The following CNTN5 variants were observed in gnomAD, a reference collection of about 807,000 sequenced individuals.
The protein encoded by CNTN5 is contactin-5.
Under a neutral mutation model 129.1 loss-of-function variants are expected in CNTN5, and 77 were observed. The observed-to-expected ratio is 0.60, with a 90% confidence interval of 0.50 to 0.72. The LOEUF (loss-of-function observed/expected upper bound fraction) is 0.72. CNTN5 is among the 30% of genes least tolerant of loss of function. The pLI is 0.00. For synonymous variants in CNTN5, 509 were observed against 465.6 expected, an observed-to-expected ratio of 1.09 and a Z score of -1.20; for missense variants, 1,478 against 1,328.8, an observed-to-expected ratio of 1.11 and a Z score of -1.75.
intron 1 of CNTN5, among the ~76,000 whole-genome samples, chr11:99,052,396 T>C (rs889149354): frequency 7.2e-5 from 11 of 151,854 alleles, no homozygotes; most frequent in Non-Finnish European, 2.9e-5. Flanking sequence ...TTTCTATGTC[T>C]AGGTATATTT....
chr11:99,756,475 G>C (rs1434775423), intron 3 of CNTN5, among the ~76,000 whole-genome samples: 1 of 152,042 alleles, frequency 6.6e-6, no homozygotes, highest in Admixed American at 6.6e-5. Flanking sequence ...AGAAGTTTCA[G>C]GAAAGGTAGA....
At chr11:99,438,296 A>G (rs1022133373) in intron 2 of CNTN5, among the ~76,000 whole-genome samples, 1 of 152,188 alleles carries the variant, frequency 6.6e-6, no homozygotes, top group African/African-American at 2.4e-5. Flanking sequence ...TAGAACATTT[A>G]TTGATGAGTC....
intron 8 of CNTN5, among the ~76,000 whole-genome samples, chr11:99,992,155 T>A (rs1041971362): frequency 1.3e-5 from 2 of 152,224 alleles, no homozygotes; most frequent in African/African-American, 4.8e-5. Context: ...TTCCAACTCA[T>A]TAGTCCAGCC....
intron 3 of CNTN5, among the ~76,000 whole-genome samples, chr11:99,582,185 C>T (rs1001124127): frequency 1.4e-4 from 22 of 152,214 alleles, no homozygotes; most frequent in South Asian, 6.2e-4. Flanking sequence ...GAGTTTCTGC[C>T]GAGAGATCAG....
intron 3 of CNTN5, among the ~76,000 whole-genome samples, chr11:99,609,479 T>C (rs1362597971): frequency 1.3e-5 from 2 of 152,138 alleles, no homozygotes; most frequent in Non-Finnish European, 2.9e-5. Context: ...TGATGCCTAA[T>C]GTAATCATTA....
intron 3 of CNTN5, among the ~76,000 whole-genome samples, chr11:99,560,947 A>G (rs943867402): frequency 6.6e-5 from 10 of 152,220 alleles, no homozygotes; most frequent in Middle Eastern, 3.4e-3. Flanking sequence ...CAGATATACT[A>G]ATACCTATTT....
chr11:100,138,207 A>C (rs1312316239), intron 13 of CNTN5, among the ~76,000 whole-genome samples: 1 of 151,916 alleles, frequency 6.6e-6, no homozygotes, highest in East Asian at 2.0e-4. Context: ...ATCCAACTTG[A>C]AATGTTCTGT....
chr11:100,284,965 C>T (rs1409003095), intron 18 of CNTN5, among the ~76,000 whole-genome samples: 2 of 152,174 alleles, frequency 1.3e-5, no homozygotes, highest in Non-Finnish European at 2.9e-5. Flanking sequence ...TGGACATAGG[C>T]AGGAAGTATG....
intron 17 of CNTN5, among the ~76,000 whole-genome samples, chr11:100,259,913 A>G (rs1591446501): frequency 6.6e-6 from 1 of 152,096 alleles, no homozygotes; most frequent in East Asian, 1.9e-4. Context: ...AACAAATTCA[A>G]AAGCTAGCAG....
At chr11:99,953,055 A>C (rs1009607731) in intron 7 of CNTN5, among the ~76,000 whole-genome samples, 2 of 152,190 alleles carry the variant, frequency 1.3e-5, no homozygotes, top group Admixed American at 1.3e-4. Context: ...ATTTCCCAAC[A>C]TGTAGTTATA....
chr11:99,974,779 A>C (rs905196107), intron 8 of CNTN5, among the ~76,000 whole-genome samples: 1 of 152,234 alleles, frequency 6.6e-6, no homozygotes, highest in Non-Finnish European at 1.5e-5. Context: ...CTTAATAATT[A>C]GTAGAGTCTA....
Position 99,800,978 on chromosome 11 carries a change from A to G in CNTN5, c.56-18566A>G, listed in dbSNP as rs76492627. On this transcript the variant is annotated intron_variant, in intron 3 of 24. Transcript: ENST00000524871. ...GATACTGTCATGAAGTTGTTAACTG[A>G]TAGTTTTGAAGGTTTTATTGTGTGG... 1.6e-3 allele frequency among the ~76,000 whole-genome samples: 238 copies of G among 152,184 alleles called. 1 individual carries two copies. The highest frequency in any genetic ancestry group is 5.7e-3 in the African/African-American group (235 of 41,554).
At chr11:99,119,551 G>A (rs1422210414) in intron 1 of CNTN5, among the ~76,000 whole-genome samples, 1 of 152,002 alleles carries the variant, frequency 6.6e-6, no homozygotes, top group Admixed American at 6.6e-5. Context: ...TGGGCATTCA[G>A]TTTGATTCCA....
chr11:99,643,852 T>G (rs1951855487), intron 3 of CNTN5, among the ~76,000 whole-genome samples: 1 of 16,758 alleles, frequency 6.0e-5, no homozygotes, highest in Non-Finnish European at 7.3e-4. Context: ...TCAAAATAAT[T>G]TTAATTAAAA....
chr11:100,060,508 T>A (rs7116861), intron 9 of CNTN5, among the ~76,000 whole-genome samples: 1 of 152,008 alleles, frequency 6.6e-6, no homozygotes, highest in Admixed American at 6.6e-5. Flanking sequence ...AGATTTGCAG[T>A]GTTGGAGGCA....
chr11:99,985,468 A>C (rs978669609), intron 8 of CNTN5, among the ~76,000 whole-genome samples: 3 of 152,128 alleles, frequency 2.0e-5, no homozygotes, highest in African/African-American at 7.2e-5. Context: ...GGGTCTTTAT[A>C]GGCACAGGAT....
intron 6 of CNTN5, among the ~76,000 whole-genome samples, chr11:99,868,109 G>T (rs1021732057): frequency 6.6e-6 from 1 of 151,896 alleles, no homozygotes; most frequent in Non-Finnish European, 1.5e-5. Context: ...CCAGCTACTC[G>T]GGAAGATGAG....
At chr11:99,057,659 G>A (rs1198662663) in intron 1 of CNTN5, among the ~76,000 whole-genome samples, 1 of 151,862 alleles carries the variant, frequency 6.6e-6, no homozygotes, top group South Asian at 2.1e-4. Flanking sequence ...GCTAGGCACT[G>A]TTCTCAGGGC....
intron 1 of CNTN5, among the ~76,000 whole-genome samples, chr11:99,035,660 G>A (rs1453693321): frequency 6.6e-6 from 1 of 151,658 alleles, no homozygotes; most frequent in African/African-American, 2.4e-5. Context: ...GAGCCTATGT[G>A]TGTCTCTGCA....
Sources: gnomAD v4.1 joint callset for allele counts (sites outside exome capture counted in the v4.1 genomes callset) on GRCh38, gnomAD v4.1.1 for gene constraint, MANE v1.5 for transcripts, NCBI Gene and HGNC (gene_info 2026-07-23, HGNC 2026-07-21) for gene names.